PALM2AKAP2: variants seen among roughly 807,000 people sequenced by gnomAD.
PALM2AKAP2 encodes the protein PALM2 and AKAP2 fusion.
A neutral mutation model predicts 71.5 loss-of-function variants in PALM2AKAP2; 37 were observed. That is an observed-to-expected ratio of 0.52 (90% CI 0.40 to 0.68). The LOEUF is 0.68. Ranked by LOEUF, PALM2AKAP2 falls within the 30% of genes least tolerant of loss-of-function variation. The pLI is 0.00. For missense variants in PALM2AKAP2, 1,224 were observed against 1,191.8 expected (o/e 1.03, Z -0.40); for synonymous variants, 468 against 478.8 (o/e 0.98, Z 0.29).
chr9:109,703,756 A>T (rs1828099643), intron 1 of PALM2AKAP2, among the ~76,000 whole-genome samples: 1 of 141,586 alleles, frequency 7.1e-6, no homozygotes. Context: ...TAGATATATC[A>T]GTTTAATATT....
intron 1 of PALM2AKAP2, among the ~76,000 whole-genome samples, chr9:109,663,037 C>T (rs1455491786): frequency 6.6e-6 from 1 of 151,880 alleles, no homozygotes; most frequent in African/African-American, 2.4e-5. Context: ...TTTTTTATTG[C>T]ATCTATTTGA....
chr9:109,706,203 G>GT (rs1009735859), intron 1 of PALM2AKAP2, among the ~76,000 whole-genome samples: 1 of 152,156 alleles, frequency 6.6e-6, no homozygotes, highest in Non-Finnish European at 1.5e-5. Context: ...CTGTATTGCA[G>GT]TTTTTTAGAA....
chr9:109,994,717 C>T (rs927317767), intron 6 of PALM2AKAP2, among the ~76,000 whole-genome samples: 13 of 152,262 alleles, frequency 8.5e-5, no homozygotes, highest in South Asian at 4.2e-4. Context: ...GTCTCCCCTC[C>T]GCCACCCCAC....
At chr9:109,649,832 T>C (rs944845407) in intron 1 of PALM2AKAP2, among the ~76,000 whole-genome samples, 4 of 152,236 alleles carry the variant, frequency 2.6e-5, no homozygotes, top group African/African-American at 9.6e-5. Flanking sequence ...TGCAATATCT[T>C]CTGTTCAAAA....
intron 1 of PALM2AKAP2, among the ~76,000 whole-genome samples, chr9:109,855,260 A>G (rs1829132291): frequency 6.6e-6 from 1 of 151,906 alleles, no homozygotes; most frequent in East Asian, 1.9e-4. Flanking sequence ...TTTTGTAGAG[A>G]TGGGGTTTCA....
chr9:109,976,044 T>C (rs2132173194), intron 6 of PALM2AKAP2, among the ~76,000 whole-genome samples: 1 of 152,372 alleles, frequency 6.6e-6, no homozygotes, highest in East Asian at 1.9e-4. Context: ...AAGCATTTTT[T>C]CTGAAACTAT....
At chr9:109,736,260 A>G (rs1160693071) in intron 1 of PALM2AKAP2, among the ~76,000 whole-genome samples, 1 of 152,190 alleles carries the variant, frequency 6.6e-6, no homozygotes, top group Non-Finnish European at 1.5e-5. Flanking sequence ...GAATATATGC[A>G]TGTACGTATA....
chr9:110,053,685 TGCTG>T (rs1390295677), intron 1 of PALM2AKAP2, among the ~76,000 whole-genome samples: 1 of 152,188 alleles, frequency 6.6e-6, no homozygotes, highest in Admixed American at 6.5e-5. Context: ...AGAATGCTGC[TGCTG>T]GGGTCCTTAA....
chr9:110,169,351 A>G (rs1331953067), exon 4 of PALM2AKAP2: 2 of 152,398 alleles, frequency 1.3e-5, no homozygotes, highest in Non-Finnish European at 2.9e-5. Context: ...ATATACACGT[A>G]TAGAATCTGT....
chr9:109,790,692 C>T (rs1402443092), intron 1 of PALM2AKAP2, among the ~76,000 whole-genome samples: 1 of 152,194 alleles, frequency 6.6e-6, no homozygotes, highest in Non-Finnish European at 1.5e-5. Flanking sequence ...CCCCAGGCAC[C>T]TGATTGGCCT....
chr9:109,955,749 A>G (rs1831734219), intron 6 of PALM2AKAP2, among the ~76,000 whole-genome samples: 1 of 152,078 alleles, frequency 6.6e-6, no homozygotes, highest in Non-Finnish European at 1.5e-5. Context: ...ATCCTGGCCA[A>G]TATGGTGAAA....
chr9:109,812,423 C>T (rs75107499), intron 1 of PALM2AKAP2, among the ~76,000 whole-genome samples: 5 of 152,050 alleles, frequency 3.3e-5, no homozygotes, highest in Admixed American at 3.3e-4. Context: ...ACTCTTTGCA[C>T]CACAGTCTGG....
chr9:110,129,033 A>G (rs577714983), intron 1 of PALM2AKAP2, among the ~76,000 whole-genome samples: 1 of 152,320 alleles, frequency 6.6e-6, no homozygotes, highest in African/African-American at 2.4e-5. Flanking sequence ...GTCCATCATA[A>G]TGACATGGAC....
chr9:109,789,907 A>G (rs1185776935), intron 1 of PALM2AKAP2, among the ~76,000 whole-genome samples: 1 of 152,166 alleles, frequency 6.6e-6, no homozygotes, highest in Non-Finnish European at 1.5e-5. Context: ...ACAGAAAGGG[A>G]GACAGACTGA....
intron 1 of PALM2AKAP2, among the ~76,000 whole-genome samples, chr9:110,064,071 G>T (rs1834021968): frequency 6.6e-6 from 1 of 152,158 alleles, no homozygotes; most frequent in Non-Finnish European, 1.5e-5. Flanking sequence ...AAACACCCAG[G>T]GGTGGAGGGG....
At chr9:109,786,281 A>G (rs1348945793) in intron 1 of PALM2AKAP2, among the ~76,000 whole-genome samples, 3 of 152,216 alleles carry the variant, frequency 2.0e-5, no homozygotes, top group South Asian at 2.1e-4. Flanking sequence ...AATGATTTAC[A>G]TACTATCCAG....
chr9:109,818,229 A>C (rs1031252987), intron 1 of PALM2AKAP2, among the ~76,000 whole-genome samples: 1 of 152,230 alleles, frequency 6.6e-6, no homozygotes, highest in Admixed American at 6.5e-5. Context: ...CTTGCTACAC[A>C]ATCTCTTTTT....
chr9:109,982,156 A>T (rs1205194271), intron 6 of PALM2AKAP2, among the ~76,000 whole-genome samples: 1 of 152,246 alleles, frequency 6.6e-6, no homozygotes, highest in East Asian at 1.9e-4. Context: ...AACAATATGG[A>T]TGGAACTGGA....
chr9:109,959,407 G>C (rs906158862), intron 6 of PALM2AKAP2, among the ~76,000 whole-genome samples: 1 of 152,100 alleles, frequency 6.6e-6, no homozygotes, highest in African/African-American at 2.4e-5. Context: ...GCACTTTGGA[G>C]GCCGAGGCGG....
Sources: allele counts gnomAD v4.1 joint callset (sites outside exome capture counted in the v4.1 genomes callset), GRCh38; gene constraint gnomAD v4.1.1; transcripts MANE v1.5; gene names NCBI Gene and HGNC (gene_info 2026-07-23, HGNC 2026-07-21).